Variants in RAB3C observed in about 807,000 individuals in gnomAD.
RAB3C encodes the protein ras-related protein Rab-3C.
Under a neutral mutation model 26.4 loss-of-function variants are expected in RAB3C, and 17 were observed. The ratio of observed to expected loss-of-function variants is 0.64; its 90% confidence interval spans 0.44 to 0.97. The LOEUF (loss-of-function observed/expected upper bound fraction) is 0.97, where lower values mean the gene tolerates loss of function less well. RAB3C is among the 50% of genes least tolerant of loss of function. The pLI, the probability that RAB3C is intolerant of heterozygous loss-of-function variation, is 0.00. For synonymous variants in RAB3C, 91 were observed against 95.9 expected, an observed-to-expected ratio of 0.95 and a Z score of 0.30; for missense variants, 242 against 281.9, an observed-to-expected ratio of 0.86 and a Z score of 1.01.
chr5:58,821,377 C>G (rs7731685), intron 3 of RAB3C, among the ~76,000 whole-genome samples: 7,747 of 152,180 alleles, frequency 0.051, 661 homozygotes, highest in African/African-American at 0.18. Flanking sequence ...GAAATCTGAT[C>G]GGATGTGAGA....
rs1297953396 is a variant in RAB3C at position 58,858,209 on chromosome 5, G to A, written c.*6858G>A. ...ATTTGGTCTATGTGGGTGATATGTG[G>A]CCTGAATGTAACTGTGATAGACTGA... On this transcript the variant is annotated 3_prime_UTR_variant, in exon 5 of 5. Transcript: ENST00000282878. 1.3e-5 allele frequency: 2 copies of A among 152,132 alleles called. No homozygotes were observed. The highest frequency in any genetic ancestry group is 4.8e-5 in the African/African-American group (2 of 41,434). 9.4% of individuals were successfully genotyped at this position (152,132 alleles called of 1,614,324 possible).
At chr5:58,803,753 G>T (rs567832110) in intron 3 of RAB3C, among the ~76,000 whole-genome samples, 1 of 152,102 alleles carries the variant, frequency 6.6e-6, no homozygotes, top group Non-Finnish European at 1.5e-5. Flanking sequence ...TCTGTTCTCT[G>T]GGCTTCTTAA....
intron 2 of RAB3C, among the ~76,000 whole-genome samples, chr5:58,699,338 T>C (rs770135036): frequency 6.6e-6 from 1 of 152,172 alleles, no homozygotes. Flanking sequence ...CTCTGGAAGC[T>C]TCGTCCCAGA....
chr5:58,679,936 T>G (rs1748312320), intron 2 of RAB3C, among the ~76,000 whole-genome samples: 1 of 152,236 alleles, frequency 6.6e-6, no homozygotes, highest in African/African-American at 2.4e-5. Context: ...TTTTAGAGGT[T>G]CAGTTTGTCA....
chr5:58,725,982 A>ATTT lies in RAB3C; in HGVS notation c.253-12_253-10dup. ...ATTGCCTTATTTCTGAGAGATTATC[A>ATTT]TTTTTTTTTTATTCTTTAGGACACA... On this transcript the variant is annotated intron_variant, in intron 2 of 4. Transcript: ENST00000282878. The ATTT allele has an allele frequency of 1.6e-6, 2 of 1,257,256 alleles. No individual in the cohort carries two copies. Among genetic ancestry groups the ATTT allele is most frequent in the Non-Finnish European group, 2.2e-6 (2 of 908,692 alleles). The allele number at this position is 1,257,256 out of a possible 1,614,324, so 77.9% of individuals were successfully genotyped here. A position where few individuals can be genotyped will look rare whatever the true frequency, so the allele number is the denominator to read the frequency against.
At chr5:58,587,648 G>A (rs1746040049) in intron 1 of RAB3C, among the ~76,000 whole-genome samples, 1 of 152,170 alleles carries the variant, frequency 6.6e-6, no homozygotes, top group African/African-American at 2.4e-5. Context: ...GTATAAATCT[G>A]TGTAACACAC....
At chr5:58,756,052 TAA>T (rs758229999) in intron 3 of RAB3C, among the ~76,000 whole-genome samples, 1 of 151,882 alleles carries the variant, frequency 6.6e-6, no homozygotes, top group East Asian at 1.9e-4. Flanking sequence ...GTTGCAAATA[TAA>T]AAAGAGTGTA....
Position 58,855,322 on chromosome 5 carries a change from G to T in RAB3C, c.*3971G>T, listed in dbSNP as rs1311510918. On this transcript the variant is annotated 3_prime_UTR_variant, in exon 5 of 5. Transcript: ENST00000282878. ...TAGACCAAAAAGTTACTGTGTGTTT[G>T]TTAATAATCTTCATAGTACTACTGG... The T allele has an allele frequency of 6.6e-6, 1 of 152,218 alleles. No individual in the cohort carries two copies. The allele number at this position is 152,218 out of a possible 1,614,324, so 9.4% of individuals were successfully genotyped here.
intron 3 of RAB3C, among the ~76,000 whole-genome samples, chr5:58,786,108 C>T (rs1297115902): frequency 1.3e-5 from 2 of 152,216 alleles, no homozygotes; most frequent in Admixed American, 6.5e-5. Flanking sequence ...AGACTTGCAA[C>T]ATTTCAAGGT....
chr5:58,592,571 C>T (rs529990328), intron 1 of RAB3C, among the ~76,000 whole-genome samples: 3 of 152,196 alleles, frequency 2.0e-5, no homozygotes, highest in East Asian at 1.9e-4. Flanking sequence ...TGAACAACCT[C>T]GATTAGCATT....
chr5:58,742,978 G>A (rs1200885698), intron 3 of RAB3C, among the ~76,000 whole-genome samples: 1 of 152,076 alleles, frequency 6.6e-6, no homozygotes, highest in Non-Finnish European at 1.5e-5. Flanking sequence ...TGTTACAGCA[G>A]AGTTCTTAAT....
intron 2 of RAB3C, among the ~76,000 whole-genome samples, chr5:58,675,968 G>A (rs903156868): frequency 3.3e-5 from 5 of 151,938 alleles, no homozygotes; most frequent in Non-Finnish European, 5.9e-5. Flanking sequence ...TTACCCTGTG[G>A]CACTGTGGAA....
At chr5:58,735,030 G>A (rs1413141964) in intron 3 of RAB3C, among the ~76,000 whole-genome samples, 2 of 152,128 alleles carry the variant, frequency 1.3e-5, no homozygotes, top group South Asian at 4.1e-4. Context: ...TTGAACTCAG[G>A]ACCAACTATT....
At chr5:58,828,000 A>C (rs1470030938) in intron 4 of RAB3C, among the ~76,000 whole-genome samples, 1 of 152,212 alleles carries the variant, frequency 6.6e-6, no homozygotes, top group Non-Finnish European at 1.5e-5. Flanking sequence ...TAACTGCTTT[A>C]TCGATCTGGT....
At chr5:58,822,904 G>A (rs1033836776) in intron 3 of RAB3C, 8 of 639,592 alleles carry the variant, frequency 1.3e-5, no homozygotes, top group African/African-American at 7.2e-5. Context: ...AATGTGATGT[G>A]GAAAGCATTG....
At chr5:58,583,009 C>T (rs916016238), upstream of RAB3C, 24 of 1,385,998 alleles carry the variant, frequency 1.7e-5, no homozygotes, top group Non-Finnish European at 2.3e-5. Flanking sequence ...GGCGAGACTA[C>T]AGCTCCCAGG....
intron 1 of RAB3C, among the ~76,000 whole-genome samples, chr5:58,588,293 A>C (rs1291749905): frequency 6.6e-6 from 1 of 152,190 alleles, no homozygotes; most frequent in Non-Finnish European, 1.5e-5. Flanking sequence ...TCTTTTGCCA[A>C]AGTGGGAGGA....
At chr5:58,583,371 G>A in intron 1 of RAB3C, 139 bp downstream of exon 1, 1 of 1,529,480 alleles carries the variant, frequency 6.5e-7, no homozygotes, top group Non-Finnish European at 8.8e-7. Flanking sequence ...ATGACCCTGG[G>A]AACAGAGTTG....
intron 4 of RAB3C, among the ~76,000 whole-genome samples, chr5:58,837,953 C>T (rs1324555855): frequency 6.6e-6 from 1 of 152,204 alleles, no homozygotes; most frequent in Non-Finnish European, 1.5e-5. Context: ...ATAGTAGTCT[C>T]TTATGATCCT....
Sources: gnomAD v4.1 joint callset for allele counts (sites outside exome capture counted in the v4.1 genomes callset) on GRCh38, gnomAD v4.1.1 for gene constraint, MANE v1.5 for transcripts, NCBI Gene and HGNC (gene_info 2026-07-23, HGNC 2026-07-21) for gene names.